The following PLCB4 variants were observed in gnomAD, a reference collection of about 807,000 sequenced individuals.
PLCB4 encodes phospholipase C beta 4, also known as 1-phosphatidylinositol 4,5-bisphosphate phosphodiesterase beta-4.
PLCB4 carries 77 observed loss-of-function variants against 178.8 expected under a neutral mutation model. The ratio of observed to expected loss-of-function variants is 0.43; its 90% confidence interval spans 0.36 to 0.52. PLCB4 has a LOEUF of 0.52. Ranked by LOEUF, PLCB4 falls within the 20% of genes least tolerant of loss-of-function variation. The pLI, the probability that PLCB4 is intolerant of heterozygous loss-of-function variation, is 0.00. For synonymous variants in PLCB4, 496 were observed against 490.8 expected (o/e 1.01, Z -0.14); for missense variants, 1,024 against 1,453.4 (o/e 0.70, Z 4.80).
intron 7 of PLCB4, among the ~76,000 whole-genome samples, chr20:9,344,808 T>A (rs1022972719): frequency 5.9e-5 from 9 of 152,186 alleles, no homozygotes; most frequent in African/African-American, 1.9e-4. Flanking sequence ...CTCTTTCCAG[T>A]TTGGATCATT....
intron 2 of PLCB4, among the ~76,000 whole-genome samples, chr20:9,102,742 G>A (rs527280660): frequency 2.2e-4 from 25 of 115,220 alleles, no homozygotes; most frequent in Non-Finnish European, 4.7e-4. Context: ...AGCATATTTG[G>A]GGGGGGGCTA....
chr20:9,302,085 A>G (rs752229619), intron 3 of PLCB4, among the ~76,000 whole-genome samples: 1 of 152,026 alleles, frequency 6.6e-6, no homozygotes, highest in Non-Finnish European at 1.5e-5. Context: ...AGACAATTAA[A>G]CCTTGAAATA....
intron 2 of PLCB4, among the ~76,000 whole-genome samples, chr20:9,167,403 A>G (rs758346145): frequency 6.6e-6 from 1 of 152,224 alleles, no homozygotes; most frequent in African/African-American, 2.4e-5. Flanking sequence ...ATAATTAGTA[A>G]TGAAAATATG....
At chr20:9,306,451 C>G (rs148147447) in intron 3 of PLCB4, among the ~76,000 whole-genome samples, 1 of 152,280 alleles carries the variant, frequency 6.6e-6, no homozygotes, top group East Asian at 1.9e-4. Flanking sequence ...TGGCTCAACA[C>G]TTCATCTGAG....
chr20:9,389,985 C>T (rs759362339), intron 16 of PLCB4, 27 bp downstream of exon 16: 1 of 1,215,152 alleles, frequency 8.2e-7, no homozygotes, highest in South Asian at 1.2e-5. Flanking sequence ...TGCCACAAGT[C>T]TCTATGTGGT....
intron 1 of PLCB4, among the ~76,000 whole-genome samples, chr20:9,070,047 T>C (rs1458888212): frequency 6.6e-6 from 1 of 152,218 alleles, no homozygotes; most frequent in East Asian, 1.9e-4. Context: ...TCCATATACG[T>C]AATACTTAGT....
chr20:9,069,305 C>G (rs1600196323), intron 1 of PLCB4, 99 bp downstream of exon 1: 1 of 152,376 alleles, frequency 6.6e-6, no homozygotes, highest in Non-Finnish European at 1.5e-5. Flanking sequence ...GACGCGCGCG[C>G]GCGCGCACCC....
intron 2 of PLCB4, among the ~76,000 whole-genome samples, chr20:9,193,707 A>C (rs2147150962): frequency 6.6e-6 from 1 of 152,338 alleles, no homozygotes; most frequent in African/African-American, 2.4e-5. Flanking sequence ...TGCATCAAGA[A>C]AAATAGGATT....
At chr20:9,327,762 C>T (rs558196079) in intron 4 of PLCB4, among the ~76,000 whole-genome samples, 103 of 151,764 alleles carry the variant, frequency 6.8e-4, no homozygotes, top group Non-Finnish European at 1.3e-3. Context: ...GGTGACAGAG[C>T]GAGACTCCAT....
chr20:9,428,880 G>A (rs932500701), intron 28 of PLCB4, among the ~76,000 whole-genome samples: 3 of 152,248 alleles, frequency 2.0e-5, no homozygotes, highest in Middle Eastern at 3.4e-3. Context: ...AAGCCAATAA[G>A]CATCTGGAAG....
chr20:9,425,769 T>G (rs1389186197), intron 28 of PLCB4, among the ~76,000 whole-genome samples: 1 of 152,198 alleles, frequency 6.6e-6, no homozygotes, highest in Admixed American at 6.5e-5. Flanking sequence ...TCAAATACAA[T>G]TTATTCAAAA....
intron 2 of PLCB4, among the ~76,000 whole-genome samples, chr20:9,182,296 T>C (rs1025292720): frequency 7.9e-5 from 12 of 152,190 alleles, no homozygotes; most frequent in African/African-American, 2.9e-4. Context: ...TTCTTATCCT[T>C]AGGCTATCAA....
chr20:9,191,343 GC>G (rs2093400266), intron 2 of PLCB4, among the ~76,000 whole-genome samples: 1 of 136,712 alleles, frequency 7.3e-6, no homozygotes, highest in Non-Finnish European at 1.5e-5. Flanking sequence ...AACTAGATAG[GC>G]ATTTTTTTTT....
At chr20:9,194,306 C>T (rs1268882330) in intron 2 of PLCB4, among the ~76,000 whole-genome samples, 2 of 152,160 alleles carry the variant, frequency 1.3e-5, no homozygotes, top group African/African-American at 4.8e-5. Flanking sequence ...AATGTATTTT[C>T]CAACACAAAA....
At chr20:9,116,417 G>A (rs978888649) in intron 2 of PLCB4, among the ~76,000 whole-genome samples, 2 of 152,082 alleles carry the variant, frequency 1.3e-5, no homozygotes, top group African/African-American at 4.8e-5. Context: ...GTATTGTTGT[G>A]TATTCTAAAA....
chr20:9,460,629 C>T (rs1568887590), intron 35 of PLCB4, among the ~76,000 whole-genome samples: 1 of 152,324 alleles, frequency 6.6e-6, no homozygotes, highest in African/African-American at 2.4e-5. Flanking sequence ...TATCATAGCT[C>T]GGTTGCAGCT....
At chr20:9,463,861 G>A (rs1180819262) in intron 35 of PLCB4, among the ~76,000 whole-genome samples, 1 of 152,050 alleles carries the variant, frequency 6.6e-6, no homozygotes, top group Admixed American at 6.6e-5. Context: ...GTCAATATTA[G>A]ACAGATCAAT....
intron 2 of PLCB4, among the ~76,000 whole-genome samples, chr20:9,105,339 G>A (rs1477310421): frequency 1.3e-5 from 2 of 152,092 alleles, no homozygotes; most frequent in East Asian, 3.8e-4. Context: ...CATAAAATGA[G>A]TTTCATATTA....
intron 4 of PLCB4, among the ~76,000 whole-genome samples, chr20:9,326,304 G>A (rs2030550802): frequency 6.6e-6 from 1 of 152,222 alleles, no homozygotes; most frequent in East Asian, 1.9e-4. Flanking sequence ...TCCAAGCCAG[G>A]TCACTTAGAA....
Sources: allele counts gnomAD v4.1 joint callset (sites outside exome capture counted in the v4.1 genomes callset), GRCh38; gene constraint gnomAD v4.1.1; transcripts MANE v1.5; gene names NCBI Gene and HGNC (gene_info 2026-07-23, HGNC 2026-07-21).